Variants in RASA3 observed in about 807,000 individuals in gnomAD.
RASA3 encodes the protein RAS p21 protein activator 3.
Under a neutral mutation model 110.0 loss-of-function variants are expected in RASA3, and 73 were observed. The ratio of observed to expected loss-of-function variants is 0.66; its 90% CI spans 0.55 to 0.81. The LOEUF is 0.81. Among genes scored for constraint, RASA3 ranks in the 30% least tolerant of loss-of-function variants. The pLI is 0.00. For synonymous variants in RASA3, 500 were observed against 451.4 expected, an observed-to-expected ratio of 1.11 and a Z score of -1.37; for missense variants, 976 against 1,113.2, an observed-to-expected ratio of 0.88 and a Z score of 1.75.
At position 114,041,266 on chromosome 13, in the gene RASA3, A is replaced by G. The variant is rs1437411674; in HGVS notation, c.278-172T>C. 2.0e-5 allele frequency among the ~76,000 whole-genome samples: 3 copies of G among 152,248 alleles called. 1 individual carries two copies. The highest frequency in any genetic ancestry group is 4.4e-5 in the Non-Finnish European group (3 of 68,028). ...TGGAACCCCCACGCTTGGGAGGCCC[A>G]GGGGGGAGGGTCGCTTGAGACCAGC... On this transcript the variant is annotated intron_variant, in intron 3 of 23. Coordinates refer to ENST00000334062, the MANE Select transcript of RASA3 (RefSeq NM_007368.4).
At chr13:114,046,648 C>T (rs868118219) in intron 3 of RASA3, among the ~76,000 whole-genome samples, 1 of 152,162 alleles carries the variant, frequency 6.6e-6, no homozygotes, top group Non-Finnish European at 1.5e-5. Context: ...CAGGCGTGTC[C>T]GATGGAAAGC....
chr13:114,018,295 G>C, intron 10 of RASA3, 43 bp from the exon 11 acceptor site: 1 of 1,534,870 alleles, frequency 6.5e-7, no homozygotes, highest in African/African-American at 1.4e-5. Context: ...CGGGGTGCAG[G>C]AACCCCAGAG....
At position 114,014,534 on chromosome 13, in the gene RASA3, G is replaced by A. The variant is rs1270841932; in HGVS notation, c.1405+675C>T. 1.3e-5 allele frequency among the ~76,000 whole-genome samples: 2 copies of A among 152,154 alleles called. No individual in the cohort carries two copies. The highest frequency in any genetic ancestry group is 2.4e-5 in the African/African-American group (1 of 41,438). On this transcript the variant is annotated intron_variant, in intron 14 of 23. Transcript: ENST00000334062. This position sits in a 1 kb window ranked among gnomAD's most constrained non-coding sequence, Gnocchi z 4.5. Reference sequence around the variant, plus strand: ...GAGAGGAGCCGGCAGCAAGGCCCTCGCTGAGCCTCTCAGCGCCCCATACAT... The same window carrying A: ...GAGAGGAGCCGGCAGCAAGGCCCTCACTGAGCCTCTCAGCGCCCCATACAT...
rs569226798 is a variant in RASA3 at position 114,066,570 on chromosome 13, C to A, written c.173+7150G>T. Among the ~76,000 whole-genome samples the A allele has an allele frequency of 2.0e-5, 3 of 152,356 alleles. No individual in the cohort carries two copies. The East Asian group carries it at 5.8e-4, about 29-fold the overall frequency. ...GGAGGCTCCTGCAGGCACAGGCGGCCGATGAGTCCCTTCCAGGCCTGGGCC... is the reference window on the plus strand; with the variant it reads ...GGAGGCTCCTGCAGGCACAGGCGGCAGATGAGTCCCTTCCAGGCCTGGGCC... On this transcript the variant is annotated intron_variant, in intron 2 of 23. Transcript: ENST00000334062.
rs568133975 is a variant in RASA3 at position 114,036,532 on chromosome 13, T to C, written c.372+4468A>G. 5.0e-4 allele frequency among the ~76,000 whole-genome samples: 76 copies of C among 152,204 alleles called. 1 individual carries two copies. Among genetic ancestry groups the C allele is most frequent in the South Asian group, 2.1e-3 (10 of 4,816 alleles). ...CTGAGACTGGAGTTGTGGGGTTTTTTTTCTTCTTCTTCTTCTTTTTTTGAG... is the reference window on the plus strand; with the variant it reads ...CTGAGACTGGAGTTGTGGGGTTTTTCTTCTTCTTCTTCTTCTTTTTTTGAG... On this transcript the variant is annotated intron_variant, in intron 4 of 23. Transcript: ENST00000334062.
rs780505787 is a variant in RASA3, at chr13:114,041,014, C to T, written c.358G>A (p.Asp120Asn). 1 of 1,613,746 alleles carries T rather than the reference C, an allele frequency of 6.2e-7. No individual in the cohort carries two copies. The highest frequency in any genetic ancestry group is 8.5e-7 in the Non-Finnish European group (1 of 1,180,026). ...TWFQLQHVDA[D>N]SEVQGKVHLE... ...GAGAGTCTCACCTGCACTTCCGAGT[C>T]AGCGTCCACGTGCTGCAGCTGGAAC... The change falls in exon 4 of 24, where the codon GAC (aspartate) becomes AAC (asparagine). Residue 120 changes from aspartate (D) to asparagine (N), a missense_variant. Coordinates refer to ENST00000334062, the MANE Select transcript of RASA3 (RefSeq NM_007368.4).
intron 21 of RASA3, among the ~76,000 whole-genome samples, chr13:113,994,622 A>G (rs1199820684): frequency 2.6e-5 from 4 of 152,114 alleles, no homozygotes; most frequent in Admixed American, 6.5e-5. Flanking sequence ...GGCAACATGG[A>G]GAGACCCTCA....
chr13:114,050,967 A>C (rs908374275), intron 3 of RASA3, among the ~76,000 whole-genome samples: 1 of 152,224 alleles, frequency 6.6e-6, no homozygotes, highest in African/African-American at 2.4e-5. Flanking sequence ...GCTGAGGGAC[A>C]CAGGTGAGCG....
At chr13:114,075,528 G>C (rs34743346) in intron 1 of RASA3, among the ~76,000 whole-genome samples, 2,094 of 66,686 alleles carry the variant, frequency 0.031, 52 homozygotes, top group African/African-American at 0.036. Context: ...CGTATCTCTG[G>C]GTGTGGAGGC....
At chr13:114,003,325 G>C (rs1392259439) in intron 18 of RASA3, among the ~76,000 whole-genome samples, 2 of 151,958 alleles carry the variant, frequency 1.3e-5, no homozygotes, top group African/African-American at 4.8e-5. Context: ...TGAACCTCTG[G>C]CTGGTGGCAC....
intron 1 of RASA3, among the ~76,000 whole-genome samples, chr13:114,121,317 C>G (rs374465344): frequency 7.9e-5 from 12 of 152,350 alleles, no homozygotes; most frequent in African/African-American, 2.9e-4. Flanking sequence ...GAGAGTGTCC[C>G]CAGCCTCAGC....
intron 21 of RASA3, among the ~76,000 whole-genome samples, chr13:113,993,384 C>T (rs554907558): frequency 2.3e-3 from 354 of 152,004 alleles, no homozygotes; most frequent in African/African-American, 7.8e-3. Context: ...CCATGTTGGC[C>T]AGGCTGGTCT....
chr13:113,989,368 C>T (rs1415572568), intron 22 of RASA3, among the ~76,000 whole-genome samples: 1 of 148,236 alleles, frequency 6.7e-6, no homozygotes, highest in African/African-American at 2.5e-5. Context: ...ACCATCTGTC[C>T]ATCCACCCAT....
chr13:114,123,092 A>C (rs9314898), intron 1 of RASA3, among the ~76,000 whole-genome samples: 1 of 152,048 alleles, frequency 6.6e-6, no homozygotes, highest in Admixed American at 6.5e-5. Context: ...TGCTGCCGGC[A>C]TGGCTTTGGG....
chr13:114,116,904 TGCACGTGTGTGAGGGGTGA>T (rs2080285410), intron 1 of RASA3, among the ~76,000 whole-genome samples: 6 of 91,100 alleles, frequency 6.6e-5, no homozygotes, highest in African/African-American at 1.1e-4. Context: ...GTGTGAGGGG[TGCACGTGTGTGAGGGGTGA>T]GCACGTGTGT....
chr13:114,039,241 C>T (rs1165605542), intron 4 of RASA3, among the ~76,000 whole-genome samples: 3 of 152,198 alleles, frequency 2.0e-5, no homozygotes, highest in Admixed American at 6.5e-5. Flanking sequence ...CACCCTCCTA[C>T]GTCCCAGGGC....
intron 2 of RASA3, among the ~76,000 whole-genome samples, chr13:114,068,000 T>C (rs932830886): frequency 6.6e-6 from 1 of 152,258 alleles, no homozygotes; most frequent in Non-Finnish European, 1.5e-5. Flanking sequence ...GGGGTGCTCA[T>C]GATTTTTTAA....
At chr13:114,100,018 C>T (rs1001726454) in intron 1 of RASA3, among the ~76,000 whole-genome samples, 1 of 138,816 alleles carries the variant, frequency 7.2e-6, no homozygotes, top group African/African-American at 2.8e-5. Flanking sequence ...TGTTTAAAAA[C>T]TATTGTCCTA....
intron 1 of RASA3, among the ~76,000 whole-genome samples, chr13:114,104,900 C>A (rs1037961788): frequency 6.7e-6 from 1 of 149,528 alleles, no homozygotes; most frequent in Non-Finnish European, 1.5e-5. Context: ...CCTCCCCACA[C>A]ACGTTCGCCC....
Sources: gnomAD v4.1 joint callset for allele counts (sites outside exome capture counted in the v4.1 genomes callset) on GRCh38, gnomAD v4.1.1 for gene constraint, Gnocchi (gnomAD v3.1) non-coding constraint, MANE v1.5 for transcripts, NCBI Gene and HGNC (gene_info 2026-07-23, HGNC 2026-07-21) for gene names.